CKAP5: variants seen among roughly 807,000 people sequenced by gnomAD.
CKAP5 encodes the protein cytoskeleton associated protein 5, also known as cytoskeleton-associated protein 5.
A neutral mutation model predicts 232.8 loss-of-function variants in CKAP5; 27 were observed. The ratio of observed to expected loss-of-function variants is 0.12; its 90% CI spans 0.09 to 0.16. The LOEUF is 0.16. CKAP5 is among the 10% of genes least tolerant of loss of function. CKAP5 has a pLI of 1.00. For missense variants in CKAP5, 1,838 were observed against 2,424.7 expected (o/e 0.76, Z 5.08); for synonymous variants, 785 against 841.1 (o/e 0.93, Z 1.16).
At chr11:46,839,763 C>G (rs978976431) in intron 1 of CKAP5, among the ~76,000 whole-genome samples, 3 of 152,146 alleles carry the variant, frequency 2.0e-5, no homozygotes, top group Non-Finnish European at 2.9e-5. Flanking sequence ...GATTCTATCA[C>G]TTAGTTCTAT....
chr11:46,780,385 C>A (rs1315954714), intron 19 of CKAP5, 43 bp downstream of exon 19: 1 of 1,613,456 alleles, frequency 6.2e-7, no homozygotes, highest in Middle Eastern at 1.7e-4. Flanking sequence ...TTTAAATCCA[C>A]AAAGATGGCA....
At chr11:46,821,793 C>T (rs1167957370) in intron 1 of CKAP5, among the ~76,000 whole-genome samples, 3 of 151,950 alleles carry the variant, frequency 2.0e-5, no homozygotes, top group Non-Finnish European at 4.4e-5. Context: ...AATCTCAGCA[C>T]TTTGGGAGGC....
At chr11:46,794,951 A>C (rs1475131188) in intron 13 of CKAP5, among the ~76,000 whole-genome samples, 1 of 152,210 alleles carries the variant, frequency 6.6e-6, no homozygotes, top group Admixed American at 6.5e-5. Context: ...TCAGTGTTAA[A>C]ACATGAAAAG....
At chr11:46,756,393 GA>G (rs906925339) in intron 35 of CKAP5, among the ~76,000 whole-genome samples, 13 of 150,744 alleles carry the variant, frequency 8.6e-5, no homozygotes, top group South Asian at 2.1e-4. Context: ...CTGCAAAGGT[GA>G]AAAAAAAAGT....
At chr11:46,840,080 C>G (rs781415783) in intron 1 of CKAP5, among the ~76,000 whole-genome samples, 5 of 152,050 alleles carry the variant, frequency 3.3e-5, no homozygotes, top group Admixed American at 6.6e-5. Context: ...GAGCCATGAT[C>G]ACACCACTAC....
At chr11:46,749,811 C>T (rs1446825143) in intron 42 of CKAP5, among the ~76,000 whole-genome samples, 3 of 150,802 alleles carry the variant, frequency 2.0e-5, no homozygotes, top group Non-Finnish European at 4.4e-5. Context: ...ATTAGCCTGG[C>T]GTGGTGGCGC....
intron 1 of CKAP5, among the ~76,000 whole-genome samples, chr11:46,834,814 T>C (rs1286824147): frequency 2.0e-5 from 3 of 152,126 alleles, no homozygotes; most frequent in Admixed American, 6.6e-5. Flanking sequence ...GAGATTTTTC[T>C]TTTCTTTTTT....
intron 1 of CKAP5, among the ~76,000 whole-genome samples, chr11:46,822,517 GC>G (rs1253425215): frequency 6.6e-6 from 1 of 152,064 alleles, no homozygotes; most frequent in Non-Finnish European, 1.5e-5. Flanking sequence ...AGTCTGGGAG[GC>G]CGAGCCGGGC....
At chr11:46,757,619 GCT>G (rs1164986827) in intron 35 of CKAP5, among the ~76,000 whole-genome samples, 2 of 151,696 alleles carry the variant, frequency 1.3e-5, no homozygotes, top group Non-Finnish European at 2.9e-5. Flanking sequence ...GCGAGATCTC[GCT>G]CTGTCACCCA....
rs759120755 is a variant in CKAP5 at position 46,770,312 on chromosome 11, CCT to C, written c.3187-216_3187-215del. On this transcript the variant is annotated intron_variant, in intron 25 of 43. Transcript: ENST00000529230. Reference sequence around the variant, plus strand: ...ATTCTAGAAGGTCACAGTTTTCACCCCTGTGAGGTCAGCAGATTTTTACTTCT... The same window carrying C: ...ATTCTAGAAGGTCACAGTTTTCACCCGTGAGGTCAGCAGATTTTTACTTCT... 132 of 573,312 alleles carry C rather than the reference CCT, an allele frequency of 2.3e-4. 1 individual carries two copies. Among genetic ancestry groups the C allele is most frequent in the Admixed American group, 5.2e-4 (17 of 32,396 alleles). 35.5% of individuals were successfully genotyped at this position (573,312 alleles called of 1,614,324 possible).
chr11:46,804,004 T>C (rs1192078862), intron 8 of CKAP5, among the ~76,000 whole-genome samples: 1 of 152,202 alleles, frequency 6.6e-6, no homozygotes, highest in African/African-American at 2.4e-5. Context: ...GAATCTGGGA[T>C]GAAATTTGGA....
Position 46,758,975 on chromosome 11 carries a change from A to G in CKAP5, c.4637T>C (p.Ile1546Thr), listed in dbSNP as rs2065133523. The change falls in exon 35 of 44, where the codon ATC becomes ACC. Residue 1546 changes from isoleucine to threonine, a missense_variant. Ile to Thr is a moderately conservative substitution (Grantham distance 89, BLOSUM62 -1). This residue lies in a region of CKAP5 where 579 missense variants were observed against 843.2 expected (regional missense o/e 0.69). Transcript: ENST00000529230. ...GATGTCACCACTGGCTACTTGGGAG[A>G]TAATGAAATTGATTGTGGATGCTGT... ...SNTASTINFI[I>T]SQVASGDINT... 1 of 1,613,602 alleles carries G rather than the reference A, an allele frequency of 6.2e-7. No individual in the cohort carries two copies. Among genetic ancestry groups the G allele is most frequent in the African/African-American group, 1.3e-5 (1 of 74,844 alleles).
intron 9 of CKAP5, among the ~76,000 whole-genome samples, chr11:46,799,155 C>T (rs1938968431): frequency 6.6e-6 from 1 of 151,930 alleles, no homozygotes; most frequent in Non-Finnish European, 1.5e-5. Flanking sequence ...TATGTCACCA[C>T]ACCTGCTATT....
chr11:46,839,260 T>C (rs1223381805), intron 1 of CKAP5, among the ~76,000 whole-genome samples: 2 of 151,710 alleles, frequency 1.3e-5, no homozygotes, highest in African/African-American at 4.8e-5. Context: ...AGGCTGGGGG[T>C]AGGGGTAGAG....
intron 13 of CKAP5, among the ~76,000 whole-genome samples, chr11:46,793,626 A>G (rs908326367): frequency 6.6e-6 from 1 of 152,222 alleles, no homozygotes; most frequent in African/African-American, 2.4e-5. Flanking sequence ...TGATCCTTTA[A>G]AATATACTCC....
chr11:46,772,738 T>G (rs1297042414), intron 24 of CKAP5, among the ~76,000 whole-genome samples: 1 of 151,902 alleles, frequency 6.6e-6, no homozygotes, highest in Non-Finnish European at 1.5e-5. Context: ...TTCCTCTTTT[T>G]TTTTTTTGTT....
intron 8 of CKAP5, among the ~76,000 whole-genome samples, chr11:46,802,913 TTTTAAG>T (rs1939067895): frequency 6.6e-6 from 1 of 152,172 alleles, no homozygotes; most frequent in African/African-American, 2.4e-5. Context: ...TTATAATCCT[TTTTAAG>T]TTTAATTTTC....
At position 46,759,051 on chromosome 11, in the gene CKAP5, G is replaced by C; in HGVS notation, c.4569-8C>G. 6.2e-7 allele frequency: 1 copy of C among 1,612,288 alleles called. No individual in the cohort carries two copies. Among genetic ancestry groups the C allele is most frequent in the South Asian group, 1.1e-5 (1 of 90,868 alleles). ...GGAGAAACAGCCCGGATCCTAGATA[G>C]CAGAACAAAGAGAAAACTTCAACCT... On this transcript the variant is annotated splice_region_variant and splice_polypyrimidine_tract_variant and intron_variant, in intron 34 of 43. Transcript: ENST00000529230.
chr11:46,757,887 A>ATTTT (rs947880979), intron 35 of CKAP5, among the ~76,000 whole-genome samples: 2 of 108,174 alleles, frequency 1.8e-5, no homozygotes, highest in African/African-American at 7.3e-5. Flanking sequence ...CACCTGGCCT[A>ATTTT]TTTTTTTTTT....
Sources: allele counts gnomAD v4.1 joint callset (sites outside exome capture counted in the v4.1 genomes callset), GRCh38; gene constraint gnomAD v4.1.1; regional missense constraint gnomAD v4.1.1; transcripts MANE v1.5; gene names NCBI Gene and HGNC (gene_info 2026-07-23, HGNC 2026-07-21).